Variants in FUBP3 observed in about 807,000 individuals in gnomAD.
The protein encoded by FUBP3 is far upstream element-binding protein 3.
FUBP3 carries 28 observed loss-of-function variants against 85.6 expected under a neutral mutation model. The ratio of observed to expected loss-of-function variants is 0.33; its 90% CI spans 0.24 to 0.45. The LOEUF is 0.45. Among genes scored for constraint, FUBP3 ranks in the 20% least tolerant of loss-of-function variants. FUBP3 has a pLI of 1.00. For missense variants in FUBP3, 583 were observed against 755.1 expected, an observed-to-expected ratio of 0.77 and a Z score of 2.67; for synonymous variants, 271 against 271.4, an observed-to-expected ratio of 1.00 and a Z score of 0.01.
At chr9:130,602,282 A>G (rs1831194148) in intron 2 of FUBP3, among the ~76,000 whole-genome samples, 3 of 152,156 alleles carry the variant, frequency 2.0e-5, no homozygotes, top group Non-Finnish European at 4.4e-5. Flanking sequence ...GAACTGCTGT[A>G]TTCTTACGGG....
chr9:130,604,422 G>A (rs1831316832), intron 2 of FUBP3, among the ~76,000 whole-genome samples: 1 of 152,180 alleles, frequency 6.6e-6, no homozygotes, highest in Non-Finnish European at 1.5e-5. Context: ...ACTTAAACAT[G>A]TGGACTTCAG....
At chr9:130,604,534 A>G (rs560922517) in intron 2 of FUBP3, among the ~76,000 whole-genome samples, 1 of 152,308 alleles carries the variant, frequency 6.6e-6, no homozygotes, top group East Asian at 1.9e-4. Context: ...CCTCATCTGT[A>G]CAATGGACCT....
intron 6 of FUBP3, among the ~76,000 whole-genome samples, chr9:130,614,880 G>C (rs773261025): frequency 7.9e-5 from 12 of 152,136 alleles, no homozygotes; most frequent in Non-Finnish European, 1.8e-4. Flanking sequence ...GACTAACATT[G>C]CTTTCCTACC....
chr9:130,611,354 T>C (rs1831735363), intron 3 of FUBP3, among the ~76,000 whole-genome samples: 1 of 152,080 alleles, frequency 6.6e-6, no homozygotes, highest in African/African-American at 2.4e-5. Context: ...GGCATTCACA[T>C]CCATGGTGTT....
chr9:130,636,854 TC>T (rs1231681969), intron 18 of FUBP3, among the ~76,000 whole-genome samples, 159 bp from the exon 19 acceptor site: 2 of 152,232 alleles, frequency 1.3e-5, no homozygotes, highest in African/African-American at 4.8e-5. Flanking sequence ...TGTCCGCTCT[TC>T]CCTGCCCCAA....
intron 12 of FUBP3, among the ~76,000 whole-genome samples, chr9:130,628,301 CAGAT>C (rs1483051174): frequency 6.6e-6 from 1 of 152,236 alleles, no homozygotes; most frequent in African/African-American, 2.4e-5. Flanking sequence ...GCAACATTGA[CAGAT>C]AGCTCAGCCA....
In FUBP3 at chr9:130,619,637, G is replaced by T. The variant is rs185754794; in HGVS notation, c.667-717G>T. ...CACAGTTCTCACATTCCCTTGAGTT[G>T]TAAGGTACAGTAGGTCTTTAGCGCA... On this transcript the variant is annotated intron_variant, in intron 8 of 18. Coordinates refer to ENST00000319725, the MANE Select transcript of FUBP3 (RefSeq NM_003934.2). Among the ~76,000 whole-genome samples the T allele has an allele frequency of 7.2e-5, 11 of 152,302 alleles. No homozygotes were observed. The East Asian group carries it at 1.7e-3, about 24-fold the overall frequency.
In FUBP3 at chr9:130,635,056, A is replaced by G. The variant is rs1016666252; in HGVS notation, c.1582+318A>G. ...GGCTCAGCTGGCGTCTGGTCTCCTT[A>G]GGGACTGAAAGATTCCGGCTGGGTG... On this transcript the variant is annotated intron_variant, in intron 17 of 18. Transcript: ENST00000319725. The surrounding 1 kb of genome is among the most constrained non-coding windows in gnomAD (Gnocchi z 4.3). Among the ~76,000 whole-genome samples, 1 of 152,054 alleles carries G rather than the reference A, an allele frequency of 6.6e-6. No homozygotes were observed. Among genetic ancestry groups the G allele is most frequent in the African/African-American group, 2.4e-5 (1 of 41,406 alleles).
intron 1 of FUBP3, among the ~76,000 whole-genome samples, chr9:130,585,042 C>A (rs953509657): frequency 4.6e-5 from 7 of 152,130 alleles, no homozygotes; most frequent in African/African-American, 1.7e-4. Flanking sequence ...CACCTGTAAT[C>A]CCAGCTACTC....
Position 130,630,691 on chromosome 9 carries a change from C to T in FUBP3, c.1181C>T (p.Pro394Leu), listed in dbSNP as rs777245502. The change falls in exon 13 of 19, where the codon CCC becomes CTC. Residue 394 changes from proline (P) to leucine (L), a missense_variant. This residue lies in a region of FUBP3 where 404 missense variants were observed against 516.8 expected (regional missense o/e 0.78). Transcript: ENST00000319725. ...GCGCACGTGGAGCTTCAGAGGAACC[C>T]CCCTCCCAACAGCGACCCCAACCTG... ...SGAHVELQRN[P>L]PPNSDPNLRR... is the part of the protein sequence containing the mutation. The T allele has an allele frequency of 2.5e-6, 4 of 1,598,822 alleles. No homozygotes were observed. The highest frequency in any genetic ancestry group is 1.7e-5 in the Admixed American group (1 of 57,922).
intron 2 of FUBP3, chr9:130,596,717 A>G: frequency 2.5e-6 from 1 of 397,042 alleles, no homozygotes; most frequent in Non-Finnish European, 5.1e-6. Flanking sequence ...AATGTCCTGA[A>G]TAAACCCTAT....
intron 2 of FUBP3, among the ~76,000 whole-genome samples, chr9:130,597,916 C>G (rs3802342): frequency 0.33 from 50,196 of 152,068 alleles, 8,672 homozygotes; most frequent in East Asian, 0.5. Flanking sequence ...GACACAGAAA[C>G]TTTCCTTCTT....
At chr9:130,596,714 T>C in intron 2 of FUBP3, 2 of 404,924 alleles carry the variant, frequency 4.9e-6, no homozygotes, top group South Asian at 3.7e-5. Context: ...CTCAATGTCC[T>C]GAATAAACCC....
intron 1 of FUBP3, among the ~76,000 whole-genome samples, chr9:130,589,698 TATA>T (rs1425608590): frequency 0.013 from 433 of 32,138 alleles, 1 homozygote; most frequent in Non-Finnish European, 0.018. Context: ...TATATATATA[TATA>T]TATATTTTTT....
intron 8 of FUBP3, 45 bp downstream of exon 8, chr9:130,617,940 A>G (rs909225533): frequency 9.1e-6 from 8 of 877,992 alleles, no homozygotes; most frequent in Middle Eastern, 2.2e-4. Flanking sequence ...TGTTGGGGCT[A>G]TCACTCGGTG....
At chr9:130,583,256 C>T (rs1830208229) in intron 1 of FUBP3, among the ~76,000 whole-genome samples, 1 of 152,176 alleles carries the variant, frequency 6.6e-6, no homozygotes, top group African/African-American at 2.4e-5. Flanking sequence ...CCCAGTGCTG[C>T]TGTTTCACAG....
intron 2 of FUBP3, among the ~76,000 whole-genome samples, chr9:130,603,534 T>C (rs554107194): frequency 6.6e-6 from 1 of 152,262 alleles, no homozygotes; most frequent in South Asian, 2.1e-4. Flanking sequence ...GATACTCACA[T>C]GGGTACATAC....
At chr9:130,608,513 G>T (rs372280930) in intron 2 of FUBP3, among the ~76,000 whole-genome samples, 1 of 152,182 alleles carries the variant, frequency 6.6e-6, no homozygotes, top group Non-Finnish European at 1.5e-5. Flanking sequence ...CTGAGTCTGT[G>T]GTGAGGATTT....
chr9:130,618,988 CCTTCTCTCAGTGCGAA>C (rs1235922234), intron 8 of FUBP3, among the ~76,000 whole-genome samples: 3 of 152,340 alleles, frequency 2.0e-5, no homozygotes, highest in Non-Finnish European at 4.4e-5. Context: ...GAGCTCCCAG[CCTTCTCTCAGTGCGAA>C]CAGTTGGGCA....
Sources: gnomAD v4.1 joint callset for allele counts (sites outside exome capture counted in the v4.1 genomes callset) on GRCh38, gnomAD v4.1.1 for gene constraint, gnomAD v4.1.1 regional missense constraint, Gnocchi (gnomAD v3.1) non-coding constraint, MANE v1.5 for transcripts, NCBI Gene and HGNC (gene_info 2026-07-23, HGNC 2026-07-21) for gene names.